MAP3K21: variants seen among roughly 807,000 people sequenced by gnomAD.
MAP3K21 encodes the protein mitogen-activated protein kinase kinase kinase 21.
In MAP3K21, 63 loss-of-function variants were observed where a neutral mutation model predicts 86.1. That is an observed-to-expected ratio of 0.73 (90% confidence interval 0.60 to 0.90). The LOEUF (loss-of-function observed/expected upper bound fraction) is 0.90. Ranked by LOEUF, MAP3K21 falls within the 40% of genes least tolerant of loss-of-function variation. The pLI, the probability that MAP3K21 is intolerant of heterozygous loss-of-function variation, is 0.00. For missense variants in MAP3K21, 1,220 were observed against 1,367.7 expected, an observed-to-expected ratio of 0.89 and a Z score of 1.70; for synonymous variants, 558 against 564.8, an observed-to-expected ratio of 0.99 and a Z score of 0.17.
At chr1:233,371,694 C>T (rs1247198788) in intron 5 of MAP3K21, among the ~76,000 whole-genome samples, 1 of 151,754 alleles carries the variant, frequency 6.6e-6, no homozygotes. Context: ...ATGCAGATAA[C>T]TCTTTTTTCC....
Position 233,328,913 on chromosome 1 carries a change from G to A in MAP3K21, c.805+80G>A. ...GGCTCCACAGGACATAGTACCAGAT[G>A]GAAAGAGGTGGGAGTCAGCCTTAGG... On this transcript the variant is annotated intron_variant, in intron 1 of 9. Coordinates refer to ENST00000366624, the MANE Select transcript of MAP3K21 (RefSeq NM_032435.3). This position sits in a 1 kb window ranked among gnomAD's most constrained non-coding sequence, Gnocchi z 8.7. The A allele has an allele frequency of 8.0e-7, 1 of 1,252,202 alleles. No homozygotes were observed. The highest frequency in any genetic ancestry group is 2.6e-5 in the South Asian group (1 of 38,038). The allele number at this position is 1,252,202 out of a possible 1,614,324, so 77.6% of individuals were successfully genotyped here. A position where few individuals can be genotyped will look rare whatever the true frequency, so the allele number is the denominator to read the frequency against.
rs1427952681 is a variant in MAP3K21 at position 233,328,489 on chromosome 1, G to A, written c.461G>A (p.Arg154His). Reference sequence around the variant, plus strand: ...CAGGAGGTGGCCGTGAAGGCGGCGCGCCAGGACCCGGAGCAGGACGCGGCG... The same window carrying A: ...CAGGAGGTGGCCGTGAAGGCGGCGCACCAGGACCCGGAGCAGGACGCGGCG... ...QGQEVAVKAARQDPEQDAAAA... is the reference protein window; with the variant it reads ...QGQEVAVKAAHQDPEQDAAAA... The change falls in exon 1 of 10, where the codon CGC becomes CAC. Residue 154 changes from arginine (R) to histidine (H), a missense_variant. By Grantham distance (29) the Arg-to-His change is conservative. This residue lies in a region of MAP3K21 where 369 missense variants were observed against 385.3 expected (regional missense o/e 0.96). Transcript: ENST00000366624. This position sits in a 1 kb window ranked among gnomAD's most constrained non-coding sequence, Gnocchi z 8.7. The A allele has an allele frequency of 1.3e-6, 2 of 1,512,536 alleles. No homozygotes were observed. The highest frequency in any genetic ancestry group is 1.2e-5 in the South Asian group (1 of 80,608). 93.7% of individuals were successfully genotyped at this position (1,512,536 alleles called of 1,614,324 possible).
At chr1:233,371,958 T>C (rs1663692610) in intron 5 of MAP3K21, 80 bp from the exon 6 acceptor site, 3 of 1,428,596 alleles carry the variant, frequency 2.1e-6, no homozygotes, top group Non-Finnish European at 1.9e-6. Context: ...TTTTTGTTTT[T>C]ATTGCTGTGT....
At chr1:233,355,134 C>T (rs1348142517) in intron 4 of MAP3K21, 123 bp downstream of exon 4, 3 of 699,894 alleles carry the variant, frequency 4.3e-6, no homozygotes, top group African/African-American at 1.8e-5. Flanking sequence ...TGTTGATTCT[C>T]ACCTTCTTTC....
At chr1:233,337,130 T>C (rs966853967) in intron 1 of MAP3K21, among the ~76,000 whole-genome samples, 3 of 152,228 alleles carry the variant, frequency 2.0e-5, no homozygotes, top group African/African-American at 7.2e-5. Flanking sequence ...ATTTCTCCTG[T>C]ATAGGGCCGG....
intron 1 of MAP3K21, among the ~76,000 whole-genome samples, chr1:233,337,535 C>T (rs1359646194): frequency 3.9e-5 from 6 of 152,176 alleles, no homozygotes; most frequent in East Asian, 1.9e-4. Flanking sequence ...AATAACGTTA[C>T]TATTTTTATT....
chr1:233,380,350 T>C (rs1170266147), intron 9 of MAP3K21, among the ~76,000 whole-genome samples: 1 of 152,224 alleles, frequency 6.6e-6, no homozygotes, highest in Non-Finnish European at 1.5e-5. Flanking sequence ...ATCTGTGTCC[T>C]AATCATCTGT....
chr1:233,328,082 G>T lies in MAP3K21; in HGVS notation c.54G>T (p.Gly18=). The change falls in exon 1 of 10, where the codon GGG becomes GGT. Residue 18 remains glycine (G), a synonymous_variant. Coordinates refer to ENST00000366624, the MANE Select transcript of MAP3K21 (RefSeq NM_032435.3). The surrounding 1 kb of genome is among the most constrained non-coding windows in gnomAD (Gnocchi z 8.7). ...GATDTPVSSA[G]GAPGGSASSS... is the part of the protein sequence containing the mutation. ...CCGACACCCCGGTGTCCTCGGCCGG[G>T]GGAGCCCCCGGCGGCTCAGCGTCCT... 1 of 1,359,966 alleles carries T rather than the reference G, an allele frequency of 7.4e-7. No individual in the cohort carries two copies. The highest frequency in any genetic ancestry group is 1.8e-5 in the South Asian group (1 of 55,998). 84.2% of individuals were successfully genotyped at this position (1,359,966 alleles called of 1,614,324 possible).
In MAP3K21 at chr1:233,376,490, A is replaced by G. The variant is rs1414467578; in HGVS notation, c.1887A>G (p.Lys629=). 2 of 1,613,680 alleles carry G rather than the reference A, an allele frequency of 1.2e-6. No homozygotes were observed. Among genetic ancestry groups the G allele is most frequent in the Non-Finnish European group, 1.7e-6 (2 of 1,179,860 alleles). The change falls in exon 8 of 10, where the codon AAA becomes AAG. Residue 629 remains lysine (K), a synonymous_variant. Transcript: ENST00000366624. The part of the protein sequence containing the change: ...PWSTILIKNQ[K]TMPLASLFVD... ...CAACTATCTTAATAAAAAATCAGAAAACCATGCCCTTGGCTTCATTGTTTG... is the reference window on the plus strand; with the variant it reads ...CAACTATCTTAATAAAAAATCAGAAGACCATGCCCTTGGCTTCATTGTTTG...
rs1663321964 is a variant in MAP3K21 at position 233,354,951 on chromosome 1, G to C, written c.1251G>C (p.Met417Ile). ...TEMPQESFHS[M>I]QDDWKLEIQQ... is the part of the protein sequence containing the mutation. ...TGCCTCAAGAATCTTTTCATTCCAT[G>C]CAAGATGACTGGAAACTAGAAATTC... The change falls in exon 4 of 10, where the codon ATG becomes ATC. Residue 417 changes from methionine to isoleucine, a missense_variant. By Grantham distance (10) the Met-to-Ile change is conservative (BLOSUM62 1). Transcript: ENST00000366624. 2.5e-6 allele frequency: 4 copies of C among 1,613,670 alleles called. No individual in the cohort carries two copies. The highest frequency in any genetic ancestry group is 2.7e-5 in the African/African-American group (2 of 74,916).
At chr1:233,360,411 G>A (rs534410823) in intron 4 of MAP3K21, among the ~76,000 whole-genome samples, 1 of 151,864 alleles carries the variant, frequency 6.6e-6, no homozygotes, top group Non-Finnish European at 1.5e-5. Context: ...CAACTGATAG[G>A]CATATTAGCT....
In MAP3K21 at chr1:233,376,419, T is replaced by A. The variant is rs1180207875; in HGVS notation, c.1827-11T>A. 1 of 1,589,348 alleles carries A rather than the reference T, an allele frequency of 6.3e-7. No individual in the cohort carries two copies. The highest frequency in any genetic ancestry group is 1.7e-4 in the Middle Eastern group (1 of 6,030). ...TTCTATCTTATGAAAAGAAACATTTTTCTCTTGTAGGATAAGACCTCTCTC... is the reference window on the plus strand; with the variant it reads ...TTCTATCTTATGAAAAGAAACATTTATCTCTTGTAGGATAAGACCTCTCTC... On this transcript the variant is annotated splice_polypyrimidine_tract_variant and intron_variant, in intron 7 of 9. Coordinates refer to ENST00000366624, the MANE Select transcript of MAP3K21 (RefSeq NM_032435.3).
chr1:233,369,790 G>A (rs1663649007), intron 5 of MAP3K21, among the ~76,000 whole-genome samples: 1 of 152,204 alleles, frequency 6.6e-6, no homozygotes, highest in Non-Finnish European at 1.5e-5. Context: ...AGTTGTTACA[G>A]AGACTGTGTG....
At chr1:233,363,746 C>G (rs1663513738) in intron 5 of MAP3K21, among the ~76,000 whole-genome samples, 1 of 150,654 alleles carries the variant, frequency 6.6e-6, no homozygotes, top group African/African-American at 2.4e-5. Flanking sequence ...GTGGCTCACG[C>G]CTGTAATCCT....
At chr1:233,353,722 G>A (rs1192178975) in intron 2 of MAP3K21, 85 bp from the exon 3 acceptor site, 2 of 1,263,992 alleles carry the variant, frequency 1.6e-6, no homozygotes, top group Non-Finnish European at 2.1e-6. Flanking sequence ...ATGGATGAAG[G>A]TACTGAAGGG....
At chr1:233,348,313 C>CA (rs750053984) in intron 2 of MAP3K21, among the ~76,000 whole-genome samples, 1 of 152,202 alleles carries the variant, frequency 6.6e-6, no homozygotes, top group Non-Finnish European at 1.5e-5. Flanking sequence ...GAGCATGGAT[C>CA]AATACCTCCT....
intron 1 of MAP3K21, among the ~76,000 whole-genome samples, chr1:233,336,410 G>T (rs1662915340): frequency 6.6e-6 from 1 of 151,942 alleles, no homozygotes; most frequent in African/African-American, 2.4e-5. Flanking sequence ...ACGTGGTGGT[G>T]GGTGCCTGTA....
At chr1:233,330,139 T>C (rs549640024) in intron 1 of MAP3K21, among the ~76,000 whole-genome samples, 1 of 152,362 alleles carries the variant, frequency 6.6e-6, no homozygotes, top group African/African-American at 2.4e-5. Context: ...AGAAATTTAC[T>C]TGAAAATTAC....
At chr1:233,362,559 T>C (rs1248530769) in intron 5 of MAP3K21, among the ~76,000 whole-genome samples, 1 of 152,216 alleles carries the variant, frequency 6.6e-6, no homozygotes, top group African/African-American at 2.4e-5. Flanking sequence ...ATGGATTAAC[T>C]GATTGACTCC....
Sources: allele counts gnomAD v4.1 joint callset (sites outside exome capture counted in the v4.1 genomes callset), GRCh38; gene constraint gnomAD v4.1.1; regional missense constraint gnomAD v4.1.1; non-coding constraint Gnocchi (gnomAD v3.1); transcripts MANE v1.5; gene names NCBI Gene and HGNC (gene_info 2026-07-23, HGNC 2026-07-21).